SYNPR: variants seen among roughly 807,000 people sequenced by gnomAD.
The protein encoded by SYNPR is synaptoporin.
A neutral mutation model predicts 32.9 loss-of-function variants in SYNPR; 23 were observed. That is an observed-to-expected ratio of 0.70 (90% confidence interval 0.50 to 0.99). The LOEUF (loss-of-function observed/expected upper bound fraction) is 0.99, where lower values mean the gene tolerates loss of function less well. Among genes scored for constraint, SYNPR ranks in the 50% least tolerant of loss-of-function variants. The pLI, the probability that SYNPR is intolerant of heterozygous loss-of-function variation, is 0.00. For synonymous variants in SYNPR, 146 were observed against 135.9 expected (o/e 1.07, Z -0.52); for missense variants, 318 against 349.3 (o/e 0.91, Z 0.71).
At chr3:63,261,082 A>T (rs2086433362) in intron 2 of SYNPR, among the ~76,000 whole-genome samples, 1 of 152,104 alleles carries the variant, frequency 6.6e-6, no homozygotes, top group Non-Finnish European at 1.5e-5. Context: ...GCTGGAGAGG[A>T]TGTGGAGAAA....
chr3:63,220,009 G>A, the SYNPR span, among the ~76,000 whole-genome samples: 4 of 152,302 alleles, frequency 2.6e-5, no homozygotes, highest in South Asian at 6.2e-4. Flanking sequence ...GTGTCAATGT[G>A]AGTGGCCACA....
intron 3 of SYNPR, among the ~76,000 whole-genome samples, chr3:63,548,395 T>A (rs969026014): frequency 6.6e-6 from 1 of 151,946 alleles, no homozygotes; most frequent in African/African-American, 2.4e-5. Flanking sequence ...GGGGGAAAAA[T>A]GAGATGCAGT....
chr3:63,348,279 T>C (rs1350253315), intron 2 of SYNPR, among the ~76,000 whole-genome samples: 2 of 152,138 alleles, frequency 1.3e-5, no homozygotes, highest in African/African-American at 4.8e-5. Flanking sequence ...TGATGATTAG[T>C]TGATGTTGAG....
chr3:63,519,743 C>A (rs17068891), intron 3 of SYNPR, among the ~76,000 whole-genome samples: 12,202 of 152,220 alleles, frequency 0.08, 553 homozygotes, highest in Admixed American at 0.1. Flanking sequence ...GTAACATGCT[C>A]AATTAATATG....
At chr3:63,268,410 A>G (rs2086509106) in intron 3 of SYNPR, among the ~76,000 whole-genome samples, 2 of 152,202 alleles carry the variant, frequency 1.3e-5, no homozygotes, top group South Asian at 2.1e-4. Context: ...AAACTCATGT[A>G]TGACTTTTGA....
chr3:63,284,068 A>G (rs1287348054), intron 2 of SYNPR, among the ~76,000 whole-genome samples: 1 of 152,122 alleles, frequency 6.6e-6, no homozygotes, highest in African/African-American at 2.4e-5. Context: ...TCGGCCTCCC[A>G]AAGTGCTGGG....
At chr3:63,586,794 C>A (rs1031134670) in intron 4 of SYNPR, among the ~76,000 whole-genome samples, 1 of 151,622 alleles carries the variant, frequency 6.6e-6, no homozygotes, top group Non-Finnish European at 1.5e-5. Context: ...TGCGCAAGGA[C>A]CTCACAGTGC....
chr3:63,494,451 A>G lies in SYNPR; in HGVS notation c.209+13495A>G, dbSNP rs76785486. 6.9e-3 allele frequency among the ~76,000 whole-genome samples: 906 copies of G among 130,546 alleles called. 37 individuals are homozygous for G. The East Asian group carries it at 0.11, about 15-fold the overall frequency. The allele number at this position is 130,546 out of a possible 152,430, so 85.6% of individuals were successfully genotyped here. ...TATATATACGTATATATATATACAC[A>G]TATATATACATATATACACATATAT... On this transcript the variant is annotated intron_variant, in intron 3 of 5. Coordinates refer to ENST00000478300, the MANE Select transcript of SYNPR (RefSeq NM_001130003.2).
intron 3 of SYNPR, among the ~76,000 whole-genome samples, chr3:63,494,777 A>AT (rs1701340718): frequency 6.6e-6 from 1 of 152,036 alleles, no homozygotes; most frequent in African/African-American, 2.4e-5. Flanking sequence ...TGGCAAGGCC[A>AT]TACTTAGAAT....
Position 63,408,228 on chromosome 3 carries a change from GGAAAGAAA to G in SYNPR, c.85-72561_85-72554del, listed in dbSNP as rs1163628616. On this transcript the variant is annotated intron_variant, in intron 2 of 5. Transcript: ENST00000478300. ...AGGAAGGAAGGAAGGAAGGAAGGAA[GGAAAGAAA>G]GAAAGAAAGAAAGAAAGAAAGAAAG... Among the ~76,000 whole-genome samples the G allele has an allele frequency of 1.2e-3, 30 of 26,022 alleles. 2 individuals are homozygous for G. The highest frequency in any genetic ancestry group is 1.6e-3 in the Non-Finnish European group (24 of 14,956). 17.1% of individuals were successfully genotyped at this position (26,022 alleles called of 152,430 possible).
chr3:63,581,063 G>A (rs1703080911), intron 4 of SYNPR, among the ~76,000 whole-genome samples: 1 of 152,100 alleles, frequency 6.6e-6, no homozygotes, highest in Non-Finnish European at 1.5e-5. Flanking sequence ...ATTAACCCCT[G>A]TACTCTACAC....
chr3:63,395,445 G>C (rs2088198907), intron 2 of SYNPR, among the ~76,000 whole-genome samples: 1 of 152,158 alleles, frequency 6.6e-6, no homozygotes, highest in Admixed American at 6.5e-5. Flanking sequence ...TGTTTATTCA[G>C]TAATTGCTGT....
the SYNPR span, among the ~76,000 whole-genome samples, chr3:63,206,256 G>A: frequency 3.3e-5 from 5 of 152,130 alleles, no homozygotes; most frequent in Non-Finnish European, 5.9e-5. Flanking sequence ...CCAGTTTAGG[G>A]GGGGAAAGGC....
chr3:63,445,281 T>C (rs1700254599), intron 2 of SYNPR, among the ~76,000 whole-genome samples: 1 of 152,192 alleles, frequency 6.6e-6, no homozygotes, highest in South Asian at 2.1e-4. Flanking sequence ...TCTGTTAGTT[T>C]ACAGAAGTGT....
intron 4 of SYNPR, among the ~76,000 whole-genome samples, chr3:63,563,296 T>C (rs1434622319): frequency 6.6e-6 from 1 of 152,134 alleles, no homozygotes; most frequent in Non-Finnish European, 1.5e-5. Context: ...GACTGGGAGG[T>C]AGACTTTAAA....
chr3:63,406,697 G>A (rs991401331), intron 2 of SYNPR, among the ~76,000 whole-genome samples: 4 of 152,156 alleles, frequency 2.6e-5, no homozygotes, highest in African/African-American at 9.7e-5. Context: ...ATTGGATGTA[G>A]AATTTGAAGC....
upstream of SYNPR, among the ~76,000 whole-genome samples, chr3:63,276,307 G>A (rs1200967145): frequency 6.6e-6 from 1 of 152,168 alleles, no homozygotes; most frequent in East Asian, 1.9e-4. Context: ...GAGGTGCACT[G>A]TTGAGGGCAG....
At chr3:63,610,683 G>A (rs1700185129) in intron 5 of SYNPR, 1 of 431,522 alleles carries the variant, frequency 2.3e-6, no homozygotes, top group South Asian at 8.2e-5. Flanking sequence ...TCTGTAGTTT[G>A]TTTATAGACA....
At chr3:63,367,311 T>G (rs2087737950) in intron 2 of SYNPR, among the ~76,000 whole-genome samples, 6 of 152,068 alleles carry the variant, frequency 3.9e-5, no homozygotes, top group Admixed American at 2.0e-4. Flanking sequence ...ATTCTGAAGT[T>G]TGGAAAATAT....
Sources: allele counts gnomAD v4.1 joint callset (sites outside exome capture counted in the v4.1 genomes callset), GRCh38; gene constraint gnomAD v4.1.1; transcripts MANE v1.5; gene names NCBI Gene and HGNC (gene_info 2026-07-23, HGNC 2026-07-21).